Variants in CTNNA3 observed in about 807,000 individuals in gnomAD.
The protein encoded by CTNNA3 is catenin alpha 3.
CTNNA3 carries 76 observed loss-of-function variants against 95.7 expected under a neutral mutation model. The observed-to-expected ratio is 0.79, with a 90% CI of 0.66 to 0.96. CTNNA3 has a LOEUF of 0.96. CTNNA3 is among the 40% of genes least tolerant of loss of function. The pLI, the probability that CTNNA3 is intolerant of heterozygous loss-of-function variation, is 0.00. For synonymous variants in CTNNA3, 431 were observed against 374.4 expected, an observed-to-expected ratio of 1.15 and a Z score of -1.74; for missense variants, 1,191 against 1,089.8, an observed-to-expected ratio of 1.09 and a Z score of -1.31.
Position 66,663,470 on chromosome 10 carries a change from CA to C in CTNNA3, c.1282-41687del, listed in dbSNP as rs141528493. On this transcript the variant is annotated intron_variant, in intron 9 of 17. Coordinates refer to ENST00000433211, the MANE Select transcript of CTNNA3 (RefSeq NM_013266.4). Reference sequence around the variant, plus strand: ...CACTTAAAAAGGTTTTTGCCTTTTACAAAAAAAAAAAAAAAAATCCTCACCA... The same window carrying C: ...CACTTAAAAAGGTTTTTGCCTTTTACAAAAAAAAAAAAAAAATCCTCACCA... Among the ~76,000 whole-genome samples, 1,124 of 137,396 alleles carry C rather than the reference CA, an allele frequency of 8.2e-3. 13 individuals are homozygous for C. The highest frequency in any genetic ancestry group is 0.02 in the South Asian group (89 of 4,414). The allele number at this position is 137,396 out of a possible 152,430, so 90.1% of individuals were successfully genotyped here. A position where few individuals can be genotyped will look rare whatever the true frequency, so the allele number is the denominator to read the frequency against.
chr10:67,541,556 GT>G (rs1312311401), intron 3 of CTNNA3, among the ~76,000 whole-genome samples: 2 of 151,990 alleles, frequency 1.3e-5, no homozygotes, highest in African/African-American at 4.8e-5. Context: ...AACTTGGACA[GT>G]AAATGCCTTC....
intron 17 of CTNNA3, among the ~76,000 whole-genome samples, chr10:65,934,745 G>C (rs2077308919): frequency 6.6e-6 from 1 of 152,090 alleles, no homozygotes; most frequent in Non-Finnish European, 1.5e-5. Flanking sequence ...ATGACACACT[G>C]AGAGAATGGC....
intron 5 of CTNNA3, among the ~76,000 whole-genome samples, chr10:67,223,540 T>C (rs1391067074): frequency 6.6e-6 from 1 of 152,214 alleles, no homozygotes; most frequent in Middle Eastern, 3.2e-3. Flanking sequence ...AGACATTAAA[T>C]GTTTCCAGCT....
chr10:65,990,404 T>C (rs547801398), intron 15 of CTNNA3, among the ~76,000 whole-genome samples: 51 of 150,608 alleles, frequency 3.4e-4, no homozygotes, highest in African/African-American at 1.2e-3. Flanking sequence ...TTTTTTTTTT[T>C]CCTTTTAATA....
chr10:66,440,391 C>T (rs1392125662), intron 11 of CTNNA3, among the ~76,000 whole-genome samples: 1 of 151,822 alleles, frequency 6.6e-6, no homozygotes, highest in Admixed American at 6.6e-5. Context: ...TATATAAAAC[C>T]TGAAACACTT....
intron 5 of CTNNA3, among the ~76,000 whole-genome samples, chr10:67,344,727 A>T (rs1842348496): frequency 6.6e-6 from 1 of 151,166 alleles, no homozygotes; most frequent in Non-Finnish European, 1.5e-5. Flanking sequence ...ATTTATTTGG[A>T]TCTTCTCTCC....
chr10:66,637,420 C>T (rs971057353), intron 9 of CTNNA3, among the ~76,000 whole-genome samples: 2 of 152,346 alleles, frequency 1.3e-5, no homozygotes, highest in African/African-American at 2.4e-5. Flanking sequence ...TGGATTCTCA[C>T]CAGCATTGCT....
chr10:66,130,880 A>G (rs918635788), intron 13 of CTNNA3, among the ~76,000 whole-genome samples: 63 of 151,320 alleles, frequency 4.2e-4, no homozygotes, highest in Admixed American at 1.4e-3. Flanking sequence ...AAAAAAAAAA[A>G]GAAAGAAATA....
At chr10:66,963,834 C>A (rs972037787) in intron 7 of CTNNA3, among the ~76,000 whole-genome samples, 4 of 136,794 alleles carry the variant, frequency 2.9e-5, no homozygotes, top group South Asian at 5.0e-4. Flanking sequence ...TTTATCAGTG[C>A]ATAGACATCA....
chr10:67,325,025 T>C (rs985198203), intron 5 of CTNNA3, among the ~76,000 whole-genome samples: 11 of 152,194 alleles, frequency 7.2e-5, no homozygotes, highest in Admixed American at 6.5e-4. Context: ...TTTATGTGCT[T>C]AGAGGTCTTC....
At chr10:67,140,834 C>G (rs989058203) in intron 7 of CTNNA3, among the ~76,000 whole-genome samples, 1 of 152,156 alleles carries the variant, frequency 6.6e-6, no homozygotes, top group African/African-American at 2.4e-5. Flanking sequence ...GGCCTTCAAA[C>G]GGCCACCACA....
At chr10:67,410,711 C>G (rs1357564600) in intron 5 of CTNNA3, among the ~76,000 whole-genome samples, 1 of 151,394 alleles carries the variant, frequency 6.6e-6, no homozygotes. Context: ...TGTCCCACTA[C>G]TAGGTATATA....
intron 13 of CTNNA3, among the ~76,000 whole-genome samples, chr10:66,165,674 C>T: frequency 6.6e-6 from 1 of 152,090 alleles, no homozygotes; most frequent in African/African-American, 2.4e-5. Flanking sequence ...ATTTACTTCA[C>T]TGTAGTGAAG....
chr10:67,528,480 A>T lies in CTNNA3; in HGVS notation c.460-6519T>A, dbSNP rs567411571. Among the ~76,000 whole-genome samples the T allele has an allele frequency of 3.9e-5, 6 of 152,266 alleles. No homozygotes were observed. In the South Asian group the frequency reaches 1.2e-3, roughly 32 times the overall value. On this transcript the variant is annotated intron_variant, in intron 4 of 17. Coordinates refer to ENST00000433211, the MANE Select transcript of CTNNA3 (RefSeq NM_013266.4). ...AGTTCACCCTTCATCTCAGCCATTCAGGACTATTACAAGTCTTTCAGCATA... is the reference window on the plus strand; with the variant it reads ...AGTTCACCCTTCATCTCAGCCATTCTGGACTATTACAAGTCTTTCAGCATA...
intron 15 of CTNNA3, among the ~76,000 whole-genome samples, chr10:66,017,933 G>A (rs1397884148): frequency 6.6e-6 from 1 of 151,892 alleles, no homozygotes; most frequent in Non-Finnish European, 1.5e-5. Context: ...CCTCCTTTAT[G>A]TTTATTCAAT....
chr10:66,964,825 A>G (rs957338272), intron 7 of CTNNA3, among the ~76,000 whole-genome samples: 3 of 152,210 alleles, frequency 2.0e-5, no homozygotes, highest in African/African-American at 4.8e-5. Context: ...CCAGCTTTGC[A>G]AGGACTGAGC....
chr10:67,124,109 G>C (rs914590655), intron 7 of CTNNA3, among the ~76,000 whole-genome samples: 1 of 152,164 alleles, frequency 6.6e-6, no homozygotes, highest in African/African-American at 2.4e-5. Context: ...AGGGGATTCT[G>C]ATGCATGCTG....
At chr10:67,461,621 C>G (rs565337492) in intron 5 of CTNNA3, among the ~76,000 whole-genome samples, 3 of 152,160 alleles carry the variant, frequency 2.0e-5, no homozygotes, top group Non-Finnish European at 4.4e-5. Context: ...AGAAGAATCA[C>G]AATTATTTCA....
chr10:67,078,420 A>G (rs1203528333), intron 7 of CTNNA3, among the ~76,000 whole-genome samples: 1 of 152,234 alleles, frequency 6.6e-6, no homozygotes, highest in Non-Finnish European at 1.5e-5. Context: ...AAAATATTTG[A>G]GAGAGGGACC....
Sources: allele counts gnomAD v4.1 joint callset (sites outside exome capture counted in the v4.1 genomes callset), GRCh38; gene constraint gnomAD v4.1.1; transcripts MANE v1.5; gene names NCBI Gene and HGNC (gene_info 2026-07-23, HGNC 2026-07-21).